RSPO2: variants seen among roughly 807,000 people sequenced by gnomAD.
RSPO2 encodes R-spondin 2, also known as R-spondin-2.
Under a neutral mutation model 30.9 loss-of-function variants are expected in RSPO2, and 14 were observed. The observed-to-expected ratio is 0.45, with a 90% CI of 0.30 to 0.71. The LOEUF is 0.71. Ranked by LOEUF, RSPO2 falls within the 30% of genes least tolerant of loss-of-function variation. The pLI, the probability that RSPO2 is intolerant of heterozygous loss-of-function variation, is 0.08. For synonymous variants in RSPO2, 107 were observed against 96.4 expected (o/e 1.11, Z -0.64); for missense variants, 264 against 301.9 (o/e 0.87, Z 0.93).
intron 2 of RSPO2, among the ~76,000 whole-genome samples, chr8:108,036,397 T>C (rs1184939660): frequency 1.3e-5 from 2 of 152,196 alleles, no homozygotes; most frequent in African/African-American, 4.8e-5. Context: ...AGATCCTCTC[T>C]GCCCCCTCTG....
At chr8:107,959,852 A>G (rs890665286) in intron 4 of RSPO2, among the ~76,000 whole-genome samples, 1 of 152,230 alleles carries the variant, frequency 6.6e-6, no homozygotes, top group Non-Finnish European at 1.5e-5. Context: ...ACACAATTAC[A>G]GACTACTTCA....
chr8:107,995,839 T>C (rs1244704557), intron 2 of RSPO2, among the ~76,000 whole-genome samples: 1 of 152,140 alleles, frequency 6.6e-6, no homozygotes, highest in Non-Finnish European at 1.5e-5. Flanking sequence ...GACCTACCTC[T>C]CCCTACTTCA....
chr8:107,998,916 G>T (rs997742222), intron 2 of RSPO2, among the ~76,000 whole-genome samples: 1 of 151,972 alleles, frequency 6.6e-6, no homozygotes, highest in Non-Finnish European at 1.5e-5. Flanking sequence ...GCATGGTGCC[G>T]CATGCCTGTA....
intron 2 of RSPO2, among the ~76,000 whole-genome samples, chr8:108,062,775 A>G (rs945331396): frequency 4.0e-5 from 6 of 151,842 alleles, no homozygotes; most frequent in Non-Finnish European, 7.3e-5. Context: ...TGATGCAAAA[A>G]TCCTCAATAA....
At chr8:108,000,758 T>C (rs1390487297) in intron 2 of RSPO2, among the ~76,000 whole-genome samples, 12 of 151,942 alleles carry the variant, frequency 7.9e-5, no homozygotes, top group Non-Finnish European at 1.8e-4. Flanking sequence ...TCCCAGCACT[T>C]TGGGAGGCCA....
rs572298284 is a variant in RSPO2 at position 107,983,098 on chromosome 8, G to T, written c.283+5958C>A. 2.7e-5 allele frequency: 37 copies of T among 1,387,102 alleles called. No homozygotes were observed. In the South Asian group the frequency reaches 5.2e-4, roughly 19 times the overall value. 85.9% of individuals were successfully genotyped at this position (1,387,102 alleles called of 1,614,324 possible). A position where few individuals can be genotyped will look rare whatever the true frequency, so the allele number is the denominator to read the frequency against. Reference sequence around the variant, plus strand: ...CACCACTACTCCCCTTCCTAAGGCCGCCGCTTACCCCAGGGTCTATGGAAG... The same window carrying T: ...CACCACTACTCCCCTTCCTAAGGCCTCCGCTTACCCCAGGGTCTATGGAAG... On this transcript the variant is annotated intron_variant, in intron 3 of 5. Transcript: ENST00000276659.
intron 5 of RSPO2, among the ~76,000 whole-genome samples, chr8:107,926,876 C>A (rs537277384): frequency 7.2e-4 from 110 of 152,234 alleles, no homozygotes; most frequent in African/African-American, 2.6e-3. Flanking sequence ...CTTAGCAATG[C>A]GAGCTCTTTT....
intron 2 of RSPO2, among the ~76,000 whole-genome samples, chr8:108,036,838 A>G (rs1475517453): frequency 1.3e-5 from 2 of 152,060 alleles, no homozygotes; most frequent in Non-Finnish European, 2.9e-5. Flanking sequence ...ATTATTATTA[A>G]TCTGTTATGG....
chr8:108,005,167 G>C (rs1203435985), intron 2 of RSPO2, among the ~76,000 whole-genome samples: 1 of 152,138 alleles, frequency 6.6e-6, no homozygotes, highest in Non-Finnish European at 1.5e-5. Flanking sequence ...TGTATGAAGT[G>C]ATGTTTTTTT....
intron 2 of RSPO2, among the ~76,000 whole-genome samples, chr8:107,991,063 T>G (rs1238093045): frequency 4.6e-5 from 7 of 151,946 alleles, no homozygotes; most frequent in Non-Finnish European, 8.8e-5. Context: ...AAACCCTATC[T>G]CTACAAAAAA....
intron 2 of RSPO2, among the ~76,000 whole-genome samples, chr8:108,023,845 GGA>G (rs1811124328): frequency 6.6e-6 from 1 of 152,150 alleles, no homozygotes; most frequent in Non-Finnish European, 1.5e-5. Context: ...ATGGGGAGGA[GGA>G]AGTGGTGGAT....
chr8:107,976,892 T>C (rs1471655918), intron 3 of RSPO2, among the ~76,000 whole-genome samples: 3 of 152,058 alleles, frequency 2.0e-5, no homozygotes, highest in Non-Finnish European at 2.9e-5. Flanking sequence ...TCAACAAAAA[T>C]CAATAGAATA....
chr8:108,023,022 TG>T (rs1487680637), intron 2 of RSPO2, among the ~76,000 whole-genome samples: 2 of 151,872 alleles, frequency 1.3e-5, no homozygotes, highest in East Asian at 3.9e-4. Context: ...TTATTCTCCC[TG>T]CCCCACACAC....
chr8:108,073,811 T>G (rs1279755252), intron 2 of RSPO2, among the ~76,000 whole-genome samples: 2 of 152,228 alleles, frequency 1.3e-5, no homozygotes, highest in Non-Finnish European at 2.9e-5. Flanking sequence ...GTGCTTCCAG[T>G]GTGGCTTCAT....
At chr8:108,031,597 A>G (rs190562308) in intron 2 of RSPO2, among the ~76,000 whole-genome samples, 1 of 152,342 alleles carries the variant, frequency 6.6e-6, no homozygotes, top group African/African-American at 2.4e-5. Context: ...AAACGGTAAA[A>G]GGCCGTAACT....
intron 5 of RSPO2, among the ~76,000 whole-genome samples, chr8:107,906,942 A>G (rs905368922): frequency 1.3e-5 from 2 of 151,890 alleles, no homozygotes; most frequent in African/African-American, 4.8e-5. Context: ...ACTCTTTGCA[A>G]TTTTCAAATA....
intron 2 of RSPO2, among the ~76,000 whole-genome samples, chr8:108,011,896 T>A (rs1347940516): frequency 6.6e-6 from 1 of 152,228 alleles, no homozygotes; most frequent in Non-Finnish European, 1.5e-5. Context: ...ATCCCTTTAC[T>A]GAGTTTTACT....
chr8:108,056,723 T>A (rs1049436599), intron 2 of RSPO2, among the ~76,000 whole-genome samples: 2 of 151,014 alleles, frequency 1.3e-5, no homozygotes, highest in Non-Finnish European at 2.9e-5. Context: ...TTATAGTGTA[T>A]TAACTGGTAT....
At chr8:107,977,191 G>T (rs1814246318) in intron 3 of RSPO2, among the ~76,000 whole-genome samples, 2 of 152,228 alleles carry the variant, frequency 1.3e-5, no homozygotes, top group African/African-American at 4.8e-5. Context: ...ATCCTCATAT[G>T]CTTAGAAGGT....
Sources: gnomAD v4.1 joint callset for allele counts (sites outside exome capture counted in the v4.1 genomes callset) on GRCh38, gnomAD v4.1.1 for gene constraint, MANE v1.5 for transcripts, NCBI Gene and HGNC (gene_info 2026-07-23, HGNC 2026-07-21) for gene names.